Variants in C12orf42 observed in about 807,000 individuals in gnomAD.
The protein encoded by C12orf42 is uncharacterized protein C12orf42.
In C12orf42, 25 loss-of-function variants were observed where a neutral mutation model predicts 21.6. That is an observed-to-expected ratio of 1.16 (90% confidence interval 0.84 to 1.62). C12orf42 has a LOEUF of 1.62. Among genes scored for constraint, C12orf42 ranks in the 40% most tolerant of loss-of-function variants. The pLI is 0.00. For synonymous variants in C12orf42, 174 were observed against 175.0 expected, an observed-to-expected ratio of 0.99 and a Z score of 0.05; for missense variants, 483 against 459.3, an observed-to-expected ratio of 1.05 and a Z score of -0.47.
At chr12:103,222,119 T>C in the C12orf42 span, among the ~76,000 whole-genome samples, 3 of 152,318 alleles carry the variant, frequency 2.0e-5, no homozygotes, top group African/African-American at 7.2e-5. Flanking sequence ...ATGTTTTTCA[T>C]GCGCGTCCCT....
At chr12:103,236,661 C>T (rs1266334640), downstream of C12orf42, among the ~76,000 whole-genome samples, 1 of 152,054 alleles carries the variant, frequency 6.6e-6, no homozygotes, top group Non-Finnish European at 1.5e-5. Context: ...AAAATTGGTT[C>T]TTCTACAATG....
At chr12:103,208,922 T>C in the C12orf42 span, among the ~76,000 whole-genome samples, 1 of 152,204 alleles carries the variant, frequency 6.6e-6, no homozygotes. Context: ...TTCTTCCTTT[T>C]TCTAATCTCC....
intron 2 of C12orf42, among the ~76,000 whole-genome samples, chr12:103,436,714 T>C (rs1396219288): frequency 6.6e-6 from 1 of 151,858 alleles, no homozygotes; most frequent in Non-Finnish European, 1.5e-5. Context: ...ATCCTAAATA[T>C]ATATGCACCC....
At position 103,377,118 on chromosome 12, in the gene C12orf42, C is replaced by T. The variant is rs538448822; in HGVS notation, c.148-8120G>A. Among the ~76,000 whole-genome samples the T allele has an allele frequency of 3.3e-5, 5 of 152,148 alleles. No individual in the cohort carries two copies. The South Asian group carries it at 1.0e-3, about 32-fold the overall frequency. ...TCTTATTTAATGGATGTTCTCTCTT[C>T]CCTTATTCCTGAGTATTTTGATCTT... On this transcript the variant is annotated intron_variant, in intron 3 of 5. Coordinates refer to ENST00000548883, the MANE Select transcript of C12orf42 (RefSeq NM_198521.5).
chr12:103,131,684 G>A, the C12orf42 span, among the ~76,000 whole-genome samples: 1 of 152,202 alleles, frequency 6.6e-6, no homozygotes, highest in Non-Finnish European at 1.5e-5. Context: ...CAGGGAGTTG[G>A]AAAGTTATAG....
chr12:103,089,066 C>A, the C12orf42 span, among the ~76,000 whole-genome samples: 1 of 140,568 alleles, frequency 7.1e-6, no homozygotes, highest in Non-Finnish European at 1.5e-5. Flanking sequence ...CGCGCCACTG[C>A]ACTCCAGCCT....
chr12:103,058,261 C>A, the C12orf42 span, among the ~76,000 whole-genome samples: 28 of 152,190 alleles, frequency 1.8e-4, no homozygotes, highest in South Asian at 5.6e-3. Flanking sequence ...GGCCGATGAG[C>A]TTTTTTTCAT....
the C12orf42 span, among the ~76,000 whole-genome samples, chr12:103,077,363 T>C: frequency 6.6e-6 from 1 of 152,186 alleles, no homozygotes; most frequent in Non-Finnish European, 1.5e-5. Context: ...GGGAGCCTAA[T>C]AATAGTAGTA....
chr12:103,454,125 T>C (rs1034873810), intron 2 of C12orf42, among the ~76,000 whole-genome samples: 1 of 152,170 alleles, frequency 6.6e-6, no homozygotes, highest in African/African-American at 2.4e-5. Flanking sequence ...TTCCCTGCTC[T>C]GGTCCTCTAT....
the C12orf42 span, among the ~76,000 whole-genome samples, chr12:103,048,633 G>A: frequency 8.5e-5 from 13 of 152,060 alleles, no homozygotes; most frequent in Admixed American, 8.5e-4. Flanking sequence ...AGTCTCCTGA[G>A]GAGTTCAAGA....
chr12:103,498,918 A>C (rs1418382271), upstream of C12orf42, among the ~76,000 whole-genome samples: 1 of 152,104 alleles, frequency 6.6e-6, no homozygotes, highest in African/African-American at 2.4e-5. Context: ...TAGCTAATGC[A>C]TGCTCGGCTT....
chr12:103,554,490 G>T, the C12orf42 span, among the ~76,000 whole-genome samples: 1 of 152,002 alleles, frequency 6.6e-6, no homozygotes, highest in African/African-American at 2.4e-5. Context: ...TGAGACCAGG[G>T]TTTAAGGGCA....
intron 2 of C12orf42, among the ~76,000 whole-genome samples, chr12:103,435,857 T>A (rs1950657824): frequency 1.3e-5 from 2 of 151,884 alleles, no homozygotes; most frequent in South Asian, 4.2e-4. Context: ...ACTTCCCCAA[T>A]CTAGCAAGGC....
the C12orf42 span, among the ~76,000 whole-genome samples, chr12:103,197,141 C>T: frequency 6.6e-6 from 1 of 152,072 alleles, no homozygotes; most frequent in Non-Finnish European, 1.5e-5. Flanking sequence ...ATTTGCTTGT[C>T]TGAAAAAGAT....
chr12:103,405,815 T>G (rs2048385516), intron 2 of C12orf42, among the ~76,000 whole-genome samples: 1 of 152,206 alleles, frequency 6.6e-6, no homozygotes, highest in Non-Finnish European at 1.5e-5. Context: ...TGGGGTAGTG[T>G]ATTTCTTTCT....
intron 2 of C12orf42, among the ~76,000 whole-genome samples, chr12:103,425,085 C>T (rs543142839): frequency 2.6e-5 from 4 of 152,300 alleles, no homozygotes; most frequent in Admixed American, 6.5e-5. Context: ...AGGAACTGGA[C>T]GGAGTCCACC....
the C12orf42 span, among the ~76,000 whole-genome samples, chr12:103,114,599 G>A: frequency 4.6e-5 from 7 of 152,178 alleles, no homozygotes; most frequent in Non-Finnish European, 7.3e-5. Context: ...ATGTGGGCAA[G>A]TTAGTTACCT....
At chr12:103,359,760 C>T (rs570121167) in intron 4 of C12orf42, among the ~76,000 whole-genome samples, 1 of 151,826 alleles carries the variant, frequency 6.6e-6, no homozygotes, top group Non-Finnish European at 1.5e-5. Flanking sequence ...TGTTGCCTTC[C>T]TCAAAAGGCA....
chr12:103,542,483 T>C, the C12orf42 span, among the ~76,000 whole-genome samples: 1 of 152,242 alleles, frequency 6.6e-6, no homozygotes, highest in Admixed American at 6.5e-5. Flanking sequence ...AAGACAGAAG[T>C]CTTGCCTGGG....
Sources: allele counts gnomAD v4.1 joint callset (sites outside exome capture counted in the v4.1 genomes callset), GRCh38; gene constraint gnomAD v4.1.1; transcripts MANE v1.5; gene names NCBI Gene and HGNC (gene_info 2026-07-23, HGNC 2026-07-21).